CCSER1: variants seen among roughly 807,000 people sequenced by gnomAD.
The protein encoded by CCSER1 is serine-rich coiled-coil domain-containing protein 1.
A neutral mutation model predicts 82.0 loss-of-function variants in CCSER1; 41 were observed. That is an observed-to-expected ratio of 0.50 (90% CI 0.39 to 0.65). The LOEUF is 0.65. Among genes scored for constraint, CCSER1 ranks in the 30% least tolerant of loss-of-function variants. The pLI is 0.00. For synonymous variants in CCSER1, 414 were observed against 383.9 expected (o/e 1.08, Z -0.92); for missense variants, 1,119 against 1,064.2 (o/e 1.05, Z -0.72).
intron 1 of CCSER1, among the ~76,000 whole-genome samples, chr4:90,172,228 T>G (rs957558905): frequency 3.3e-5 from 5 of 151,906 alleles, no homozygotes; most frequent in Non-Finnish European, 7.4e-5. Flanking sequence ...TCAGAGATTG[T>G]TAAAGTAACC....
chr4:91,469,434 T>A (rs114667472), intron 10 of CCSER1, among the ~76,000 whole-genome samples: 1,831 of 152,304 alleles, frequency 0.012, 40 homozygotes, highest in African/African-American at 0.042. Flanking sequence ...TTCAGCTTAG[T>A]TTTTAGGAAA....
chr4:90,578,197 A>T (rs189334760), intron 5 of CCSER1, among the ~76,000 whole-genome samples: 17 of 152,314 alleles, frequency 1.1e-4, no homozygotes, highest in Non-Finnish European at 1.8e-4. Flanking sequence ...TCTGTAATAA[A>T]TTACCACTGA....
chr4:91,590,422 G>A (rs998381813), intron 10 of CCSER1, among the ~76,000 whole-genome samples: 1 of 152,120 alleles, frequency 6.6e-6, no homozygotes, highest in Non-Finnish European at 1.5e-5. Context: ...CTGTAGTAGA[G>A]TGTTTCCTAG....
At chr4:91,364,941 A>G (rs1749507135) in intron 10 of CCSER1, among the ~76,000 whole-genome samples, 2 of 152,130 alleles carry the variant, frequency 1.3e-5, no homozygotes, top group South Asian at 4.1e-4. Context: ...GAAGGCCATT[A>G]GTATATCTCT....
chr4:90,552,894 A>C (rs1039363881), intron 5 of CCSER1, among the ~76,000 whole-genome samples: 2 of 152,162 alleles, frequency 1.3e-5, no homozygotes, highest in African/African-American at 4.8e-5. Flanking sequence ...CTATGCTCTT[A>C]AGTTTGTATT....
intron 9 of CCSER1, among the ~76,000 whole-genome samples, chr4:90,972,007 G>A (rs940600672): frequency 3.3e-5 from 5 of 151,756 alleles, no homozygotes; most frequent in African/African-American, 9.7e-5. Flanking sequence ...CATAACAAAG[G>A]CTGTATGTGA....
chr4:90,985,006 A>C (rs558810676), intron 9 of CCSER1, among the ~76,000 whole-genome samples: 6 of 151,906 alleles, frequency 3.9e-5, no homozygotes, highest in African/African-American at 1.4e-4. Context: ...AGGAAAGGCG[A>C]AGGCAGAATA....
In CCSER1 at chr4:91,493,955, A is replaced by G. The variant is rs545313343; in HGVS notation, c.2218-104617A>G. 4.6e-5 allele frequency among the ~76,000 whole-genome samples: 7 copies of G among 151,992 alleles called. No homozygotes were observed. In the South Asian group the frequency reaches 1.0e-3, roughly 22 times the overall value. ...GGGGAGCACATTTCAGAGTTTGATG[A>G]TACTATGGTCTGAATATGTCCTCTA... is the stretch of plus-strand genomic sequence containing the variant. On this transcript the variant is annotated intron_variant, in intron 10 of 10. Transcript: ENST00000509176.
chr4:91,535,022 T>C (rs1761224549), intron 10 of CCSER1, among the ~76,000 whole-genome samples: 4 of 151,892 alleles, frequency 2.6e-5, no homozygotes, highest in Admixed American at 2.6e-4. Flanking sequence ...TTATAAACTC[T>C]ACTACAGATA....
intron 5 of CCSER1, among the ~76,000 whole-genome samples, chr4:90,623,771 G>A (rs1322042074): frequency 6.6e-6 from 1 of 152,126 alleles, no homozygotes; most frequent in Non-Finnish European, 1.5e-5. Context: ...CTCTCAGACA[G>A]ACAATATATT....
chr4:91,410,522 C>G (rs1033720163), intron 10 of CCSER1, among the ~76,000 whole-genome samples: 1 of 152,098 alleles, frequency 6.6e-6, no homozygotes, highest in Non-Finnish European at 1.5e-5. Flanking sequence ...TTGAGTCCTT[C>G]GAAAGCTGAA....
intron 9 of CCSER1, among the ~76,000 whole-genome samples, chr4:91,056,157 T>C (rs1238788660): frequency 6.6e-6 from 1 of 152,152 alleles, no homozygotes; most frequent in Non-Finnish European, 1.5e-5. Flanking sequence ...TAAAGCAGTT[T>C]TTTAGTAGCT....
At chr4:91,566,016 G>A (rs1434376005) in intron 10 of CCSER1, among the ~76,000 whole-genome samples, 1 of 152,034 alleles carries the variant, frequency 6.6e-6, no homozygotes, top group Non-Finnish European at 1.5e-5. Flanking sequence ...GTATAATGCT[G>A]GCTGTGGGAC....
At chr4:90,773,305 C>T (rs1411775588) in intron 7 of CCSER1, among the ~76,000 whole-genome samples, 1 of 152,178 alleles carries the variant, frequency 6.6e-6, no homozygotes, top group Admixed American at 6.5e-5. Context: ...TAATTCACAT[C>T]ATCTCTATTG....
At chr4:90,929,444 T>C (rs1016008507) in intron 9 of CCSER1, among the ~76,000 whole-genome samples, 13 of 152,322 alleles carry the variant, frequency 8.5e-5, no homozygotes, top group African/African-American at 2.6e-4. Flanking sequence ...CATAGACAAC[T>C]AGTAATGTCT....
chr4:90,732,531 G>A (rs1744940761), intron 7 of CCSER1, among the ~76,000 whole-genome samples: 1 of 152,054 alleles, frequency 6.6e-6, no homozygotes, highest in South Asian at 2.1e-4. Flanking sequence ...GAAGAAATCA[G>A]GTATTTAACA....
At chr4:91,143,960 A>G (rs1161356487) in intron 10 of CCSER1, among the ~76,000 whole-genome samples, 1 of 151,858 alleles carries the variant, frequency 6.6e-6, no homozygotes, top group Non-Finnish European at 1.5e-5. Flanking sequence ...TCTTTGTCAG[A>G]TTTTGGTATC....
At chr4:90,359,909 A>G (rs1158319414) in intron 3 of CCSER1, among the ~76,000 whole-genome samples, 2 of 144,388 alleles carry the variant, frequency 1.4e-5, no homozygotes, top group African/African-American at 5.3e-5. Context: ...ATATATATAT[A>G]TATATGTATA....
chr4:91,419,318 A>G (rs1191212805), intron 10 of CCSER1, among the ~76,000 whole-genome samples: 2 of 152,088 alleles, frequency 1.3e-5, no homozygotes, highest in East Asian at 1.9e-4. Context: ...ATGATCTAAT[A>G]TATAGCAAAC....
Sources: allele counts gnomAD v4.1 joint callset (sites outside exome capture counted in the v4.1 genomes callset), GRCh38; gene constraint gnomAD v4.1.1; transcripts MANE v1.5; gene names NCBI Gene and HGNC (gene_info 2026-07-23, HGNC 2026-07-21).